The following CALN1 variants were observed in gnomAD, a reference collection of about 807,000 sequenced individuals.
CALN1 encodes the protein calcium-binding protein 8.
CALN1 carries 17 observed loss-of-function variants against 30.6 expected under a neutral mutation model. The observed-to-expected ratio is 0.56, with a 90% CI of 0.38 to 0.83. CALN1 has a LOEUF of 0.83. CALN1 is among the 40% of genes least tolerant of loss of function. CALN1 has a pLI of 0.00. For synonymous variants in CALN1, 156 were observed against 131.4 expected (o/e 1.19, Z -1.28); for missense variants, 291 against 354.9 (o/e 0.82, Z 1.45).
chr7:72,141,556 G>A (rs1040762798), intron 3 of CALN1, among the ~76,000 whole-genome samples: 1 of 152,050 alleles, frequency 6.6e-6, no homozygotes. Context: ...TCCACCCTCA[G>A]ATGATGCTAA....
rs567680978 is a variant in CALN1, at chr7:72,142,349, C to T, written c.245-36055G>A. Among the ~76,000 whole-genome samples the T allele has an allele frequency of 7.9e-4, 121 of 152,300 alleles. 1 individual carries two copies. The highest frequency in any genetic ancestry group is 2.7e-3 in the African/African-American group (111 of 41,572). On this transcript the variant is annotated intron_variant, in intron 3 of 6. Coordinates refer to ENST00000395275, the MANE Select transcript of CALN1 (RefSeq NM_031468.4). ...TATTCCGTGCCTGGCTCAGAGGATCCTACACCCATGGAGCCTCACTCATTG... is the reference window on the plus strand; with the variant it reads ...TATTCCGTGCCTGGCTCAGAGGATCTTACACCCATGGAGCCTCACTCATTG...
intron 3 of CALN1, among the ~76,000 whole-genome samples, chr7:72,254,703 A>T (rs1384506231): frequency 1.3e-5 from 2 of 152,132 alleles, no homozygotes; most frequent in Non-Finnish European, 2.9e-5. Context: ...ATGCAGCACA[A>T]GTCAACCTGA....
chr7:72,327,995 G>T (rs1190518440), intron 2 of CALN1, among the ~76,000 whole-genome samples: 1 of 152,066 alleles, frequency 6.6e-6, no homozygotes. Context: ...TATTTGAAAT[G>T]CATAGAAAAA....
At chr7:72,252,078 T>C (rs980804469) in intron 3 of CALN1, among the ~76,000 whole-genome samples, 2 of 152,308 alleles carry the variant, frequency 1.3e-5, no homozygotes, top group East Asian at 1.9e-4. Flanking sequence ...AGTTTTGTAA[T>C]GGCCTATTCA....
At chr7:72,128,962 TA>T (rs1808955856) in intron 3 of CALN1, among the ~76,000 whole-genome samples, 1 of 152,168 alleles carries the variant, frequency 6.6e-6, no homozygotes, top group East Asian at 1.9e-4. Flanking sequence ...GTTTGTAATT[TA>T]TGTTACAAAA....
In CALN1 at chr7:71,940,247, T is replaced by TA. The variant is rs1796058451; in HGVS notation, c.501+83409dup. The stretch of plus-strand genomic sequence containing the variant: ...TAGAAACAAAGATGTATTGAACTTG[T>TA]ATTTTACAGTTTATGAGTTGGTGAA... On this transcript the variant is annotated intron_variant, in intron 5 of 6. Transcript: ENST00000395275. Among the ~76,000 whole-genome samples, 3 of 152,326 alleles carry TA rather than the reference T, an allele frequency of 2.0e-5. No homozygotes were observed. In the South Asian group the frequency reaches 6.2e-4, roughly 32 times the overall value.
chr7:72,470,281 T>C, the CALN1 span, among the ~76,000 whole-genome samples: 1 of 152,246 alleles, frequency 6.6e-6, no homozygotes, highest in Non-Finnish European at 1.5e-5. Context: ...TGGTGGCTCA[T>C]ACCTGTAATC....
At chr7:72,291,117 T>C (rs1357339653) in intron 2 of CALN1, among the ~76,000 whole-genome samples, 1 of 152,094 alleles carries the variant, frequency 6.6e-6, no homozygotes, top group East Asian at 1.9e-4. Context: ...AGAGACAGGA[T>C]TTCACCATGT....
chr7:72,504,016 A>C, the CALN1 span, among the ~76,000 whole-genome samples: 1 of 152,070 alleles, frequency 6.6e-6, no homozygotes, highest in African/African-American at 2.4e-5. Context: ...GGAGGAAGGG[A>C]GAGAGAGGAA....
Position 72,216,813 on chromosome 7 carries a change from A to T in CALN1, c.244+61873T>A, listed in dbSNP as rs533930505. Among the ~76,000 whole-genome samples the T allele has an allele frequency of 2.0e-5, 3 of 152,284 alleles. No homozygotes were observed. The East Asian group carries it at 5.8e-4, about 29-fold the overall frequency. On this transcript the variant is annotated intron_variant, in intron 3 of 6. Coordinates refer to ENST00000395275, the MANE Select transcript of CALN1 (RefSeq NM_031468.4). Reference sequence around the variant, plus strand: ...GTCACCCAGGCTGGAGTTCAGTAGCACAATCACGGCTTACAGCAGACTCAA... The same window carrying T: ...GTCACCCAGGCTGGAGTTCAGTAGCTCAATCACGGCTTACAGCAGACTCAA...
intron 5 of CALN1, among the ~76,000 whole-genome samples, chr7:71,814,807 A>G (rs1788162315): frequency 6.6e-6 from 1 of 151,920 alleles, no homozygotes; most frequent in Admixed American, 6.6e-5. Context: ...TACAATACAT[A>G]TAACATACAA....
At chr7:71,988,367 T>A (rs1354245036) in intron 5 of CALN1, among the ~76,000 whole-genome samples, 1 of 151,962 alleles carries the variant, frequency 6.6e-6, no homozygotes, top group Non-Finnish European at 1.5e-5. Flanking sequence ...CCATATCGTA[T>A]CTCCAAAGGT....
intron 5 of CALN1, among the ~76,000 whole-genome samples, chr7:71,944,036 C>G (rs1387769131): frequency 6.6e-6 from 1 of 152,142 alleles, no homozygotes; most frequent in Non-Finnish European, 1.5e-5. Flanking sequence ...AAGAGTTAAG[C>G]CTAAAACAAA....
At chr7:72,317,828 T>C (rs1404785778) in intron 2 of CALN1, among the ~76,000 whole-genome samples, 1 of 152,040 alleles carries the variant, frequency 6.6e-6, no homozygotes, top group Non-Finnish European at 1.5e-5. Flanking sequence ...GCTCCAGCCC[T>C]GGTAAACACC....
At chr7:72,088,018 A>C (rs1035881786) in intron 4 of CALN1, among the ~76,000 whole-genome samples, 1 of 152,074 alleles carries the variant, frequency 6.6e-6, no homozygotes, top group Non-Finnish European at 1.5e-5. Context: ...AATTGAAAAA[A>C]TTTGCCAGGT....
Position 72,235,983 on chromosome 7 carries a change from C to G in CALN1, c.244+42703G>C, listed in dbSNP as rs527356832. On this transcript the variant is annotated intron_variant, in intron 3 of 6. Coordinates refer to ENST00000395275, the MANE Select transcript of CALN1 (RefSeq NM_031468.4). ...TCTGGGCCAGGCACAGTGGCTCATA[C>G]CTGTAATCCCAGCTCTTAGGGAGGC... Among the ~76,000 whole-genome samples, 10 of 151,240 alleles carry G rather than the reference C, an allele frequency of 6.6e-5. No homozygotes were observed. In the South Asian group the frequency reaches 2.1e-3, roughly 32 times the overall value.
chr7:72,191,233 C>T (rs1790575937), intron 3 of CALN1, among the ~76,000 whole-genome samples: 2 of 152,132 alleles, frequency 1.3e-5, no homozygotes, highest in Non-Finnish European at 2.9e-5. Context: ...CCTTTGGATC[C>T]TACAAGATGA....
chr7:72,226,997 C>T (rs766875431), intron 3 of CALN1, among the ~76,000 whole-genome samples: 2 of 152,148 alleles, frequency 1.3e-5, no homozygotes, highest in South Asian at 2.1e-4. Flanking sequence ...GATTACACCA[C>T]TGCACTCCAG....
intron 6 of CALN1, among the ~76,000 whole-genome samples, chr7:71,789,278 A>G (rs1793175130): frequency 6.6e-6 from 1 of 152,100 alleles, no homozygotes; most frequent in Non-Finnish European, 1.5e-5. Flanking sequence ...TTAGCTGGGT[A>G]TGGTGGCACA....
Sources: allele counts gnomAD v4.1 joint callset (sites outside exome capture counted in the v4.1 genomes callset), GRCh38; gene constraint gnomAD v4.1.1; transcripts MANE v1.5; gene names NCBI Gene and HGNC (gene_info 2026-07-23, HGNC 2026-07-21).